Variants in CAB39 observed in about 807,000 individuals in gnomAD.
CAB39 encodes calcium binding protein 39, also known as calcium-binding protein 39.
In CAB39, 8 loss-of-function variants were observed where a neutral mutation model predicts 40.0. That is an observed-to-expected ratio of 0.20 (90% CI 0.12 to 0.36). The LOEUF (loss-of-function observed/expected upper bound fraction) is 0.36. Among genes scored for constraint, CAB39 ranks in the 10% least tolerant of loss-of-function variants. The probability of loss-of-function intolerance (pLI) is 1.00; values close to 1 mark genes in which losing one functional copy is unlikely to be tolerated. For synonymous variants in CAB39, 156 were observed against 141.6 expected (o/e 1.10, Z -0.72); for missense variants, 270 against 401.1 (o/e 0.67, Z 2.79).
intron 1 of CAB39, among the ~76,000 whole-genome samples, chr2:230,742,939 T>C (rs545817311): frequency 6.6e-6 from 1 of 152,232 alleles, no homozygotes; most frequent in South Asian, 2.1e-4. Context: ...GTGTTTTGAC[T>C]CTCAGACTGC....
At chr2:230,811,441 G>T (rs1350192495) in intron 6 of CAB39, among the ~76,000 whole-genome samples, 2 of 152,134 alleles carry the variant, frequency 1.3e-5, no homozygotes, top group East Asian at 3.8e-4. Context: ...TTCAGCTCAT[G>T]TGTATTTGGA....
At chr2:230,744,490 CA>C (rs1396126552) in intron 1 of CAB39, among the ~76,000 whole-genome samples, 2 of 152,012 alleles carry the variant, frequency 1.3e-5, no homozygotes, top group Non-Finnish European at 2.9e-5. Flanking sequence ...GACGGGGTTT[CA>C]CCGTGTTGGC....
chr2:230,770,480 G>A (rs1240043728), intron 2 of CAB39, among the ~76,000 whole-genome samples: 3 of 152,164 alleles, frequency 2.0e-5, no homozygotes, highest in Non-Finnish European at 2.9e-5. Flanking sequence ...AAGACTCTAG[G>A]CCCAGATGGC....
intron 1 of CAB39, among the ~76,000 whole-genome samples, chr2:230,723,800 A>G (rs1403426840): frequency 1.3e-5 from 2 of 152,182 alleles, no homozygotes; most frequent in Non-Finnish European, 2.9e-5. Context: ...ATAGCTGGCT[A>G]CTTCATATAT....
At chr2:230,736,250 A>C (rs963501849) in intron 1 of CAB39, among the ~76,000 whole-genome samples, 1 of 152,178 alleles carries the variant, frequency 6.6e-6, no homozygotes, top group Non-Finnish European at 1.5e-5. Context: ...ATCTTACAGT[A>C]TTTAACAAAT....
chr2:230,811,544 C>T (rs1432658372), intron 6 of CAB39, among the ~76,000 whole-genome samples: 2 of 152,154 alleles, frequency 1.3e-5, no homozygotes, highest in East Asian at 3.8e-4. Context: ...TGGACTTGAG[C>T]CTTGGACTGC....
intron 1 of CAB39, among the ~76,000 whole-genome samples, chr2:230,755,092 T>C (rs969545873): frequency 2.0e-5 from 3 of 152,208 alleles, no homozygotes; most frequent in Admixed American, 1.3e-4. Flanking sequence ...ACAGTTTCTT[T>C]ATCCACTCGT....
At chr2:230,800,486 A>T (rs2124968625) in intron 5 of CAB39, among the ~76,000 whole-genome samples, 1 of 152,348 alleles carries the variant, frequency 6.6e-6, no homozygotes, top group African/African-American at 2.4e-5. Context: ...GATCAATATG[A>T]TGTCTTAGGT....
chr2:230,814,050 T>A lies in CAB39; in HGVS notation c.629T>A (p.Phe210Tyr), dbSNP rs529287728. 4.0e-6 allele frequency: 5 copies of A among 1,248,794 alleles called. No homozygotes were observed. Among genetic ancestry groups the A allele is most frequent in the African/African-American group, 3.0e-5 (2 of 65,874 alleles). 77.4% of individuals were successfully genotyped at this position (1,248,794 alleles called of 1,614,324 possible). ...GATTTATGTTCTCTTATCTTTTAGT[T>A]TTTCAGTGAATATGAGAAGTTACTT... is the stretch of plus-strand genomic sequence containing the variant. Reference protein sequence around the residue: ...AEFLEQHYDRFFSEYEKLLHS... With the variant: ...AEFLEQHYDRYFSEYEKLLHS... The change falls in exon 7 of 9, where the codon TTT becomes TAT. Residue 210 changes from phenylalanine to tyrosine, a missense_variant and splice_region_variant. Phe to Tyr is a conservative substitution (Grantham distance 22). Coordinates refer to ENST00000258418, the MANE Select transcript of CAB39 (RefSeq NM_016289.4).
intron 1 of CAB39, among the ~76,000 whole-genome samples, chr2:230,737,163 T>G (rs557383647): frequency 3.3e-5 from 5 of 152,088 alleles, no homozygotes; most frequent in African/African-American, 9.7e-5. Context: ...TTAGAAAAAA[T>G]TTTTTAAATT....
chr2:230,779,581 A>C (rs1695652262), intron 2 of CAB39: 1 of 152,258 alleles, frequency 6.6e-6, no homozygotes, highest in African/African-American at 2.4e-5. Context: ...GCTAACTGGT[A>C]CATAGAAATG....
rs1023510939 is a variant in CAB39, at chr2:230,774,610, T to A, written c.114+14495T>A. Among the ~76,000 whole-genome samples the A allele has an allele frequency of 9.2e-5, 14 of 152,274 alleles. No homozygotes were observed. In the South Asian group the frequency reaches 2.7e-3, roughly 29 times the overall value. On this transcript the variant is annotated intron_variant, in intron 2 of 8. Transcript: ENST00000258418. ...CTGCCTTGCTCAGCTTATAGGTGGTTCCCTTCCTTACGATGAATGCTTGTG... is the reference window on the plus strand; with the variant it reads ...CTGCCTTGCTCAGCTTATAGGTGGTACCCTTCCTTACGATGAATGCTTGTG...
At chr2:230,813,978 C>CTTGTTTTTTTTTTT in intron 6 of CAB39, 71 bp from the exon 7 acceptor site, 1 of 111,338 alleles carries the variant, frequency 9.0e-6, no homozygotes, top group Non-Finnish European at 1.5e-5. Context: ...ACCTACCAGT[C>CTTGTTTTTTTTTTT]TTTTTTTTTT....
At chr2:230,769,502 T>C (rs1695446280) in intron 2 of CAB39, among the ~76,000 whole-genome samples, 1 of 152,234 alleles carries the variant, frequency 6.6e-6, no homozygotes, top group African/African-American at 2.4e-5. Flanking sequence ...AGGTAGACCA[T>C]ATTTTGGGTC....
At chr2:230,790,677 A>G (rs1695878269) in intron 2 of CAB39, among the ~76,000 whole-genome samples, 195 bp from the exon 3 acceptor site, 1 of 152,128 alleles carries the variant, frequency 6.6e-6, no homozygotes, top group Non-Finnish European at 1.5e-5. Flanking sequence ...TGGTGTATGC[A>G]TGTTGGTCCC....
At chr2:230,728,153 G>T (rs1201912634) in intron 1 of CAB39, among the ~76,000 whole-genome samples, 1 of 152,140 alleles carries the variant, frequency 6.6e-6, no homozygotes, top group African/African-American at 2.4e-5. Flanking sequence ...CAGGAGAATT[G>T]CTTGAACCTG....
rs1328992948 is a variant in CAB39, at chr2:230,790,940, G to T, written c.183G>T (p.Glu61Asp). The change falls in exon 3 of 9, where the codon GAG becomes GAT. Residue 61 changes from glutamate (E) to aspartate (D), a missense_variant. By Grantham distance (45) the Glu-to-Asp change is conservative. Transcript: ENST00000258418. Reference sequence around the variant, plus strand: ...TTCTGTATGGCACAAATGAAAAAGAGCCTCAGACAGAAGCAGTAGCTCAAC... The same window carrying T: ...TTCTGTATGGCACAAATGAAAAAGATCCTCAGACAGAAGCAGTAGCTCAAC... Reference protein sequence around the residue: ...KEILYGTNEKEPQTEAVAQLA... With the variant: ...KEILYGTNEKDPQTEAVAQLA... 1 of 1,613,400 alleles carries T rather than the reference G, an allele frequency of 6.2e-7. No homozygotes were observed. Among genetic ancestry groups the T allele is most frequent in the Non-Finnish European group, 8.5e-7 (1 of 1,179,432 alleles).
At chr2:230,768,969 T>G (rs1032885029) in intron 2 of CAB39, among the ~76,000 whole-genome samples, 1 of 152,188 alleles carries the variant, frequency 6.6e-6, no homozygotes, top group Non-Finnish European at 1.5e-5. Context: ...ATTGTCAGAT[T>G]GGATGAAAGA....
At chr2:230,800,353 T>C (rs928642958) in intron 5 of CAB39, among the ~76,000 whole-genome samples, 1 of 152,076 alleles carries the variant, frequency 6.6e-6, no homozygotes, top group Non-Finnish European at 1.5e-5. Context: ...GTATGAGAGC[T>C]CCCCAGGAAT....
Sources: gnomAD v4.1 joint callset for allele counts (sites outside exome capture counted in the v4.1 genomes callset) on GRCh38, gnomAD v4.1.1 for gene constraint, MANE v1.5 for transcripts, NCBI Gene and HGNC (gene_info 2026-07-23, HGNC 2026-07-21) for gene names.